Variants in MYH10 observed in about 807,000 individuals in gnomAD.
MYH10 encodes the protein myosin-10.
A neutral mutation model predicts 257.8 loss-of-function variants in MYH10; 55 were observed. That is an observed-to-expected ratio of 0.21 (90% CI 0.17 to 0.27). MYH10 has a LOEUF of 0.27. Ranked by LOEUF, MYH10 falls within the 10% of genes least tolerant of loss-of-function variation. The pLI is 1.00. For missense variants in MYH10, 1,631 were observed against 2,500.6 expected (o/e 0.65, Z 7.42); for synonymous variants, 854 against 921.7 (o/e 0.93, Z 1.33).
intron 19 of MYH10, among the ~76,000 whole-genome samples, 161 bp downstream of exon 19, chr17:8,520,717 G>A (rs1432112746): frequency 6.6e-6 from 1 of 152,132 alleles, no homozygotes; most frequent in Non-Finnish European, 1.5e-5. Flanking sequence ...AATCAAGGTA[G>A]TAAGGATTGT....
rs914218428 is a variant in MYH10 at position 8,506,567 on chromosome 17, C to G, written c.3215-78G>C. On this transcript the variant is annotated intron_variant, in intron 26 of 42. Coordinates refer to ENST00000360416, the MANE Select transcript of MYH10 (RefSeq NM_001256012.3). The surrounding 1 kb of genome is among the most constrained non-coding windows in gnomAD (Gnocchi z 5.0). ...GAATAAACTAAAATACAGACTGATCCAAGTTGAAAATAAGCCATTTTATTC... is the reference window on the plus strand; with the variant it reads ...GAATAAACTAAAATACAGACTGATCGAAGTTGAAAATAAGCCATTTTATTC... The G allele has an allele frequency of 2.7e-6, 4 of 1,469,224 alleles. No individual in the cohort carries two copies. The highest frequency in any genetic ancestry group is 3.7e-6 in the Non-Finnish European group (4 of 1,081,406). The allele number at this position is 1,469,224 out of a possible 1,614,324, so 91.0% of individuals were successfully genotyped here.
intron 7 of MYH10, among the ~76,000 whole-genome samples, chr17:8,557,783 A>G (rs2082856109): frequency 1.3e-5 from 2 of 152,244 alleles, no homozygotes; most frequent in African/African-American, 2.4e-5. Context: ...TATCAAAACA[A>G]ATGGCAAAAA....
At chr17:8,499,620 G>T in intron 29 of MYH10, 144 bp from the exon 30 acceptor site, 4 of 747,248 alleles carry the variant, frequency 5.4e-6, no homozygotes, top group Non-Finnish European at 6.6e-6. Flanking sequence ...GAAAATGTTT[G>T]CTGTTCTCTG....
chr17:8,486,569 A>T (rs1214634329), intron 36 of MYH10, among the ~76,000 whole-genome samples: 1 of 126,356 alleles, frequency 7.9e-6, no homozygotes, highest in African/African-American at 3.0e-5. Context: ...AAAAAAAAAA[A>T]AAAAAAAAAA....
At chr17:8,594,711 C>G (rs1313130110) in intron 3 of MYH10, among the ~76,000 whole-genome samples, 1 of 152,162 alleles carries the variant, frequency 6.6e-6, no homozygotes, top group Non-Finnish European at 1.5e-5. Context: ...CATGGATACT[C>G]AAGTCCCTTA....
chr17:8,527,817 C>T (rs542848274), intron 17 of MYH10, among the ~76,000 whole-genome samples: 8 of 152,214 alleles, frequency 5.3e-5, no homozygotes, highest in Non-Finnish European at 1.2e-4. Context: ...CGCTGCTTCT[C>T]CTCGGTGAGT....
At chr17:8,540,729 G>A (rs570268096) in intron 14 of MYH10, among the ~76,000 whole-genome samples, 1 of 152,224 alleles carries the variant, frequency 6.6e-6, no homozygotes, top group East Asian at 1.9e-4. Flanking sequence ...CGCATATAAT[G>A]AGCATCTCAA....
intron 20 of MYH10, 36 bp from the exon 21 acceptor site, chr17:8,518,827 A>G (rs2081558771): frequency 6.2e-7 from 1 of 1,602,702 alleles, no homozygotes; most frequent in African/African-American, 1.4e-5. Context: ...TTTTTTAACT[A>G]CAAGAAAGAT....
Position 8,569,175 on chromosome 17 carries a change from CT to C in MYH10, c.756+544del, listed in dbSNP as rs1334826457. On this transcript the variant is annotated intron_variant, in intron 7 of 42. Coordinates refer to ENST00000360416, the MANE Select transcript of MYH10 (RefSeq NM_001256012.3). This position sits in a 1 kb window ranked among gnomAD's most constrained non-coding sequence, Gnocchi z 4.1. ...AGTTGGTGGCTGCAGTGAGCTATGACTGTGCCACTGCACTCCAGGCTGGGTG... is the reference window on the plus strand; with the variant it reads ...AGTTGGTGGCTGCAGTGAGCTATGACGTGCCACTGCACTCCAGGCTGGGTG... 2.0e-5 allele frequency among the ~76,000 whole-genome samples: 3 copies of C among 151,120 alleles called. No homozygotes were observed. Among genetic ancestry groups the C allele is most frequent in the Admixed American group, 6.6e-5 (1 of 15,180 alleles).
At chr17:8,521,069 CAT>C in intron 18 of MYH10, 21 bp downstream of exon 18, 1 of 1,613,736 alleles carries the variant, frequency 6.2e-7, no homozygotes, top group South Asian at 1.1e-5. Context: ...TAAATACTAG[CAT>C]ATGTTTTGCT....
chr17:8,570,821 C>A (rs1004007311), intron 6 of MYH10, among the ~76,000 whole-genome samples: 1 of 152,072 alleles, frequency 6.6e-6, no homozygotes, highest in African/African-American at 2.4e-5. Flanking sequence ...AAAAAAAGAA[C>A]AAATATATGT....
intron 4 of MYH10, among the ~76,000 whole-genome samples, chr17:8,580,620 A>C (rs575802917): frequency 1.6e-4 from 25 of 152,150 alleles, no homozygotes; most frequent in Non-Finnish European, 2.9e-4. Context: ...TCTTTTTAAT[A>C]ATTTTTGTTC....
At chr17:8,497,254 C>T (rs1916776440) in intron 30 of MYH10, among the ~76,000 whole-genome samples, 1 of 152,152 alleles carries the variant, frequency 6.6e-6, no homozygotes, top group Admixed American at 6.5e-5. Context: ...GGACACAAGA[C>T]AGCTCTGTAA....
intron 2 of MYH10, among the ~76,000 whole-genome samples, chr17:8,621,556 C>G (rs1356767315): frequency 1.3e-5 from 2 of 152,162 alleles, no homozygotes; most frequent in African/African-American, 4.8e-5. Flanking sequence ...CTCAGCTGGA[C>G]TCTCAACGCC....
intron 3 of MYH10, among the ~76,000 whole-genome samples, chr17:8,597,523 A>G (rs941059852): frequency 6.6e-6 from 1 of 151,938 alleles, no homozygotes; most frequent in Non-Finnish European, 1.5e-5. Context: ...GTTTTTTAAA[A>G]CTATCTTTAT....
intron 19 of MYH10, 101 bp downstream of exon 19, chr17:8,520,777 T>C: frequency 2.3e-6 from 3 of 1,319,022 alleles, no homozygotes; most frequent in Non-Finnish European, 3.1e-6. Flanking sequence ...AAACAAACTA[T>C]GTAGGGGACA....
intron 17 of MYH10, among the ~76,000 whole-genome samples, chr17:8,521,811 C>T (rs2081664129): frequency 6.6e-6 from 1 of 152,142 alleles, no homozygotes; most frequent in East Asian, 1.9e-4. Context: ...GGAACAAATG[C>T]AGGAAGATTA....
intron 17 of MYH10, among the ~76,000 whole-genome samples, chr17:8,528,489 C>A (rs2081919953): frequency 6.6e-6 from 1 of 152,200 alleles, no homozygotes; most frequent in African/African-American, 2.4e-5. Context: ...CTATTCTCCC[C>A]TGTTCCTTTC....
At chr17:8,563,893 A>ATT (rs2083078351) in intron 7 of MYH10, among the ~76,000 whole-genome samples, 1 of 144,136 alleles carries the variant, frequency 6.9e-6, no homozygotes. Context: ...TCAACTTGGA[A>ATT]AAAAAAAAAA....
Sources: allele counts gnomAD v4.1 joint callset (sites outside exome capture counted in the v4.1 genomes callset), GRCh38; gene constraint gnomAD v4.1.1; non-coding constraint Gnocchi (gnomAD v3.1); transcripts MANE v1.5; gene names NCBI Gene and HGNC (gene_info 2026-07-23, HGNC 2026-07-21).